The following GRM1 variants were observed in gnomAD, a reference collection of about 807,000 sequenced individuals.
The protein encoded by GRM1 is metabotropic glutamate receptor 1.
GRM1 carries 33 observed loss-of-function variants against 90.9 expected under a neutral mutation model. The observed-to-expected ratio is 0.36, with a 90% CI of 0.28 to 0.49. The LOEUF is 0.49. GRM1 is among the 20% of genes least tolerant of loss of function. The pLI, the probability that GRM1 is intolerant of heterozygous loss-of-function variation, is 0.99. For synonymous variants in GRM1, 700 were observed against 613.2 expected (o/e 1.14, Z -2.09); for missense variants, 1,190 against 1,534.3 (o/e 0.78, Z 3.75).
At chr6:146,405,621 C>A (rs1777317536) in intron 7 of GRM1, among the ~76,000 whole-genome samples, 1 of 152,214 alleles carries the variant, frequency 6.6e-6, no homozygotes, top group Admixed American at 6.5e-5. Context: ...TTGCTGTGTG[C>A]TCACATGACT....
intron 3 of GRM1, among the ~76,000 whole-genome samples, chr6:146,332,592 T>A (rs551325218): frequency 1.3e-5 from 2 of 152,310 alleles, no homozygotes; most frequent in South Asian, 4.1e-4. Context: ...GCCCATATGG[T>A]TTGGAATTTG....
chr6:146,105,661 GT>G (rs1351190230), intron 1 of GRM1, among the ~76,000 whole-genome samples: 2 of 151,704 alleles, frequency 1.3e-5, no homozygotes, highest in African/African-American at 4.8e-5. Context: ...CTATATTAGT[GT>G]TTTTATAGTT....
intron 1 of GRM1, among the ~76,000 whole-genome samples, chr6:146,155,997 T>A (rs1777514729): frequency 6.6e-6 from 1 of 152,246 alleles, no homozygotes; most frequent in African/African-American, 2.4e-5. Context: ...ATCAGGAGCC[T>A]ACGGCACTTG....
At chr6:146,320,546 G>T (rs962557135) in intron 3 of GRM1, among the ~76,000 whole-genome samples, 6 of 151,886 alleles carry the variant, frequency 4.0e-5, no homozygotes, top group African/African-American at 7.3e-5. Flanking sequence ...AATGGTAGCA[G>T]CAACTCTTTG....
chr6:146,141,562 T>A (rs892721575), intron 1 of GRM1, among the ~76,000 whole-genome samples: 1 of 152,180 alleles, frequency 6.6e-6, no homozygotes, highest in Non-Finnish European at 1.5e-5. Flanking sequence ...CTTCTAGGCA[T>A]GCTTCATTGT....
intron 2 of GRM1, among the ~76,000 whole-genome samples, chr6:146,185,406 C>T (rs758911574): frequency 2.0e-5 from 3 of 152,190 alleles, no homozygotes; most frequent in Non-Finnish European, 4.4e-5. Context: ...ATATTCCTTG[C>T]ACAGACCCTG....
chr6:146,139,195 C>A (rs1583057907), intron 1 of GRM1, among the ~76,000 whole-genome samples: 1 of 152,062 alleles, frequency 6.6e-6, no homozygotes, highest in Non-Finnish European at 1.5e-5. Context: ...TTTACAATTA[C>A]AATTTTTTGA....
intron 1 of GRM1, among the ~76,000 whole-genome samples, chr6:146,080,478 A>T (rs922301399): frequency 1.3e-5 from 2 of 152,154 alleles, no homozygotes; most frequent in African/African-American, 2.4e-5. Flanking sequence ...CCAGTTCTTC[A>T]TTCCTCATAC....
intron 1 of GRM1, among the ~76,000 whole-genome samples, chr6:146,149,540 G>A (rs1777239368): frequency 6.6e-6 from 1 of 152,096 alleles, no homozygotes; most frequent in African/African-American, 2.4e-5. Flanking sequence ...TTTTTTGGAT[G>A]TGCATTATGA....
intron 1 of GRM1, among the ~76,000 whole-genome samples, chr6:146,033,314 A>G (rs538439637): frequency 2.8e-4 from 43 of 152,280 alleles, no homozygotes; most frequent in African/African-American, 9.9e-4. Context: ...ACCACTGATA[A>G]GAATATCTCA....
chr6:146,110,398 G>A (rs183640698), intron 1 of GRM1, among the ~76,000 whole-genome samples: 5 of 152,304 alleles, frequency 3.3e-5, no homozygotes, highest in African/African-American at 4.8e-5. Context: ...GCCGCCATGT[G>A]AGATGTGCCT....
chr6:146,186,818 G>A (rs557955042), intron 2 of GRM1, among the ~76,000 whole-genome samples: 5 of 152,258 alleles, frequency 3.3e-5, no homozygotes, highest in South Asian at 4.1e-4. Context: ...TTTGCTGTTC[G>A]CACTATGTGT....
chr6:146,204,801 G>T (rs940702429), intron 2 of GRM1, among the ~76,000 whole-genome samples: 1 of 152,146 alleles, frequency 6.6e-6, no homozygotes, highest in African/African-American at 2.4e-5. Context: ...GGGCACTTTT[G>T]TGCACGCAGA....
chr6:146,180,304 T>C (rs1443119927), intron 2 of GRM1, among the ~76,000 whole-genome samples: 1 of 152,102 alleles, frequency 6.6e-6, no homozygotes, highest in Non-Finnish European at 1.5e-5. Context: ...TTGCTGCTAG[T>C]GTTAGGTACC....
intron 2 of GRM1, among the ~76,000 whole-genome samples, chr6:146,163,489 C>T (rs1015976194): frequency 4.6e-5 from 7 of 152,174 alleles, no homozygotes; most frequent in African/African-American, 1.7e-4. Flanking sequence ...TAATATTATT[C>T]CCCTTTCAAT....
intron 1 of GRM1, among the ~76,000 whole-genome samples, chr6:146,116,099 T>C (rs745751376): frequency 6.6e-6 from 1 of 152,014 alleles, no homozygotes; most frequent in African/African-American, 2.4e-5. Flanking sequence ...TAAAAGCATA[T>C]GCCGTGATGC....
chr6:146,131,744 C>T (rs761054366), intron 1 of GRM1, among the ~76,000 whole-genome samples: 2 of 152,046 alleles, frequency 1.3e-5, no homozygotes, highest in Admixed American at 6.6e-5. Context: ...CAGACATGAC[C>T]CTTATCTTTA....
At chr6:146,128,340 C>T (rs558473928) in intron 1 of GRM1, among the ~76,000 whole-genome samples, 15 of 152,228 alleles carry the variant, frequency 9.9e-5, no homozygotes, top group Middle Eastern at 3.4e-3. Flanking sequence ...TTATCAAGAG[C>T]ATTTAATATG....
intron 2 of GRM1, among the ~76,000 whole-genome samples, chr6:146,227,449 A>C (rs76969109): frequency 6.6e-6 from 1 of 152,188 alleles, no homozygotes; most frequent in African/African-American, 2.4e-5. Context: ...TGTGTCCAGC[A>C]TTGTAGTATC....
Sources: gnomAD v4.1 joint callset for allele counts (sites outside exome capture counted in the v4.1 genomes callset) on GRCh38, gnomAD v4.1.1 for gene constraint, MANE v1.5 for transcripts, NCBI Gene and HGNC (gene_info 2026-07-23, HGNC 2026-07-21) for gene names.